SGCD: variants seen among roughly 807,000 people sequenced by gnomAD.
SGCD encodes sarcoglycan delta.
SGCD carries 18 observed loss-of-function variants against 36.6 expected under a neutral mutation model. The observed-to-expected ratio is 0.49, with a 90% confidence interval of 0.34 to 0.73. SGCD has a LOEUF of 0.73. Ranked by LOEUF, SGCD falls within the 30% of genes least tolerant of loss-of-function variation. The pLI is 0.01. For missense variants in SGCD, 387 were observed against 346.7 expected, an observed-to-expected ratio of 1.12 and a Z score of -0.92; for synonymous variants, 133 against 130.6, an observed-to-expected ratio of 1.02 and a Z score of -0.12.
intron 1 of SGCD, among the ~76,000 whole-genome samples, chr5:155,996,068 T>C (rs1758537286): frequency 6.6e-6 from 1 of 151,428 alleles, no homozygotes. Context: ...TTAGGTGTTG[T>C]TGAGGCTGGG....
intron 1 of SGCD, among the ~76,000 whole-genome samples, chr5:156,082,827 A>G (rs76904853): frequency 0.02 from 3,096 of 152,296 alleles, 44 homozygotes; most frequent in Non-Finnish European, 0.035. Flanking sequence ...TTTTTTTGCA[A>G]AACTTCAAAA....
At position 156,389,683 on chromosome 5, in the gene SGCD, G is replaced by A. The variant is rs553127300; in HGVS notation, c.192+45006G>A. ...CCCCCTGCTCACCTCTTGCTGTGTG[G>A]CCTCATTCCTAACGGGCCACAGGCT... On this transcript the variant is annotated intron_variant, in intron 3 of 8. Coordinates refer to ENST00000337851, the MANE Select transcript of SGCD (RefSeq NM_000337.6). 3.3e-5 allele frequency among the ~76,000 whole-genome samples: 5 copies of A among 152,240 alleles called. No homozygotes were observed. In the South Asian group the frequency reaches 1.0e-3, roughly 32 times the overall value.
At chr5:155,835,326 A>C in the SGCD span, among the ~76,000 whole-genome samples, 2 of 152,032 alleles carry the variant, frequency 1.3e-5, no homozygotes, top group Non-Finnish European at 2.9e-5. Context: ...ATTGTTTTTG[A>C]AACAAAAACC....
At chr5:156,663,821 G>A (rs1764035398) in intron 7 of SGCD, among the ~76,000 whole-genome samples, 1 of 134,974 alleles carries the variant, frequency 7.4e-6, no homozygotes, top group South Asian at 2.5e-4. Flanking sequence ...TTGTATTGTG[G>A]TAACTGGCTT....
the SGCD span, among the ~76,000 whole-genome samples, chr5:155,777,022 T>G: frequency 6.6e-6 from 1 of 152,158 alleles, no homozygotes; most frequent in Admixed American, 6.5e-5. Flanking sequence ...ATATGGCACC[T>G]TAGCTTGAGA....
rs183389275 is a variant in SGCD at position 156,495,858 on chromosome 5, G to A, written c.193-12743G>A. ...ATTATCCATCTCTCATTTTCTTCCC[G>A]TCAGACAATCGATAAATTCCCCACC... On this transcript the variant is annotated intron_variant, in intron 3 of 8. Transcript: ENST00000337851. 4.9e-4 allele frequency among the ~76,000 whole-genome samples: 74 copies of A among 152,142 alleles called. No individual in the cohort carries two copies. The East Asian group carries it at 5.6e-3, about 12-fold the overall frequency.
At chr5:156,104,772 T>G (rs1761604944) in intron 1 of SGCD, among the ~76,000 whole-genome samples, 2 of 152,202 alleles carry the variant, frequency 1.3e-5, no homozygotes. Flanking sequence ...AGTCCTAAAT[T>G]TGATTGTTTT....
At chr5:155,878,328 C>G (rs963889919) in intron 1 of SGCD, among the ~76,000 whole-genome samples, 3 of 151,984 alleles carry the variant, frequency 2.0e-5, no homozygotes, top group Admixed American at 1.3e-4. Context: ...TCCTCTCTAC[C>G]CTTCTTAGCA....
intron 1 of SGCD, among the ~76,000 whole-genome samples, chr5:156,019,028 T>A (rs1759044860): frequency 6.6e-6 from 1 of 152,230 alleles, no homozygotes. Context: ...GACGTTAAAT[T>A]TGTCATTGTA....
At chr5:156,364,490 A>T (rs760968109) in intron 3 of SGCD, among the ~76,000 whole-genome samples, 1 of 152,338 alleles carries the variant, frequency 6.6e-6, no homozygotes, top group South Asian at 2.1e-4. Flanking sequence ...AATTGCATAA[A>T]TTGAAAAACC....
At chr5:155,955,860 G>A (rs1188460566) in intron 1 of SGCD, among the ~76,000 whole-genome samples, 2 of 152,026 alleles carry the variant, frequency 1.3e-5, no homozygotes, top group South Asian at 2.1e-4. Flanking sequence ...CTGAGGGCAC[G>A]AGAAAAGAAA....
At chr5:155,880,441 A>T (rs536378000) in intron 1 of SGCD, among the ~76,000 whole-genome samples, 1 of 152,186 alleles carries the variant, frequency 6.6e-6, no homozygotes, top group Non-Finnish European at 1.5e-5. Context: ...TGGTGCATAA[A>T]TCTTGAATTT....
intron 4 of SGCD, among the ~76,000 whole-genome samples, chr5:156,525,207 C>G (rs1346495215): frequency 6.6e-6 from 1 of 152,052 alleles, no homozygotes; most frequent in Non-Finnish European, 1.5e-5. Flanking sequence ...AAAAGGTCCT[C>G]TTTTCTCTAC....
chr5:156,549,058 C>G (rs1381154801), intron 4 of SGCD, among the ~76,000 whole-genome samples: 1 of 151,832 alleles, frequency 6.6e-6, no homozygotes, highest in African/African-American at 2.4e-5. Context: ...ATTCCCTTCC[C>G]TACATCAAAA....
Position 156,605,271 on chromosome 5 carries a change from A to G in SGCD, c.502+10220A>G, listed in dbSNP as rs530912786. On this transcript the variant is annotated intron_variant, in intron 6 of 8. Coordinates refer to ENST00000337851, the MANE Select transcript of SGCD (RefSeq NM_000337.6). ...TGTGTCCATGTGTTCTCATTCTTCA[A>G]TTCCCACCTATGAGTGAGAACATGC... Among the ~76,000 whole-genome samples, 4 of 152,132 alleles carry G rather than the reference A, an allele frequency of 2.6e-5. No homozygotes were observed. The East Asian group carries it at 5.8e-4, about 22-fold the overall frequency.
rs763067309 is a variant in SGCD at position 155,975,609 on chromosome 5, C to CTTTTTTTTTTTTTTT, written c.-282+105208_-282+105222dup. On this transcript the variant is annotated intron_variant, in intron 1 of 9. Transcript: ENST00000517913. ...TGTGTTATTTATTTTTCTTTCTTTCCTTTTTTTTTTTTTTTTTTTTTTTTT... is the reference window on the plus strand; with the variant it reads ...TGTGTTATTTATTTTTCTTTCTTTCCTTTTTTTTTTTTTTTTTTTTTTTTTTTTTTTTTTTTTTTT... Among the ~76,000 whole-genome samples, 14 of 28,008 alleles carry CTTTTTTTTTTTTTTT rather than the reference C, an allele frequency of 5.0e-4. 7 individuals carry two copies. Among genetic ancestry groups the CTTTTTTTTTTTTTTT allele is most frequent in the Admixed American group, 1.2e-3 (2 of 1,676 alleles). 18.4% of individuals were successfully genotyped at this position (28,008 alleles called of 152,430 possible). A position where few individuals can be genotyped will look rare whatever the true frequency, so the allele number is the denominator to read the frequency against.
intron 7 of SGCD, among the ~76,000 whole-genome samples, chr5:156,699,518 G>A (rs1390221643): frequency 6.6e-6 from 1 of 151,794 alleles, no homozygotes; most frequent in African/African-American, 2.4e-5. Context: ...TACCTAGCCA[G>A]TCAAGGTGAT....
At chr5:156,687,856 C>T (rs771097834) in intron 7 of SGCD, among the ~76,000 whole-genome samples, 13 of 152,182 alleles carry the variant, frequency 8.5e-5, no homozygotes, top group Non-Finnish European at 1.5e-4. Flanking sequence ...TGGTAACCAT[C>T]GTTCGTTACC....
At chr5:156,528,226 G>A (rs1757722944) in intron 4 of SGCD, among the ~76,000 whole-genome samples, 1 of 151,996 alleles carries the variant, frequency 6.6e-6, no homozygotes. Context: ...CCTTTTCTGT[G>A]CCTCACTTTA....
Sources: allele counts gnomAD v4.1 joint callset (sites outside exome capture counted in the v4.1 genomes callset), GRCh38; gene constraint gnomAD v4.1.1; transcripts MANE v1.5; gene names NCBI Gene and HGNC (gene_info 2026-07-23, HGNC 2026-07-21).